SP100: variants seen among roughly 807,000 people sequenced by gnomAD.
SP100 encodes the protein nuclear autoantigen Sp-100.
In SP100, 84 loss-of-function variants were observed where a neutral mutation model predicts 130.0. The observed-to-expected ratio is 0.65, with a 90% confidence interval of 0.54 to 0.77. SP100 has a LOEUF of 0.77. Ranked by LOEUF, SP100 falls within the 30% of genes least tolerant of loss-of-function variation. The pLI is 0.00. For synonymous variants in SP100, 331 were observed against 351.7 expected, an observed-to-expected ratio of 0.94 and a Z score of 0.66; for missense variants, 978 against 1,052.2, an observed-to-expected ratio of 0.93 and a Z score of 0.97.
In SP100 at chr2:230,467,112, T is replaced by C; in HGVS notation, c.1196-8T>C. 1 of 1,603,196 alleles carries C rather than the reference T, an allele frequency of 6.2e-7. No homozygotes were observed. Among genetic ancestry groups the C allele is most frequent in the South Asian group, 1.1e-5 (1 of 90,868 alleles). On this transcript the variant is annotated splice_region_variant and splice_polypyrimidine_tract_variant and intron_variant, in intron 12 of 28. Transcript: ENST00000340126. Reference sequence around the variant, plus strand: ...AGAGCTCCAAAGGACATTTGCTCCTTTCTGCAGTGATAGGACAAGACCACG... The same window carrying C: ...AGAGCTCCAAAGGACATTTGCTCCTCTCTGCAGTGATAGGACAAGACCACG...
chr2:230,525,850 A>G (rs549445225), intron 24 of SP100, among the ~76,000 whole-genome samples: 33 of 152,112 alleles, frequency 2.2e-4, no homozygotes, highest in African/African-American at 7.5e-4. Context: ...GGGGAGGGGC[A>G]CCCACCATTG....
At chr2:230,524,512 C>T (rs12992343) in intron 24 of SP100, among the ~76,000 whole-genome samples, 27,479 of 152,050 alleles carry the variant, frequency 0.18, 2,996 homozygotes, top group African/African-American at 0.3. Context: ...AATACCCATG[C>T]AGTTAATTTA....
intron 25 of SP100, 150 bp from the exon 26 acceptor site, chr2:230,540,726 A>G: frequency 1.1e-6 from 1 of 919,018 alleles, no homozygotes. Context: ...ATTGAGTCCA[A>G]ATGGGGCTCT....
intron 17 of SP100, among the ~76,000 whole-genome samples, chr2:230,479,375 T>G (rs1385810017): frequency 2.6e-5 from 4 of 152,218 alleles, no homozygotes; most frequent in Admixed American, 2.0e-4. Flanking sequence ...TTAAAATACT[T>G]TCTGCATTTT....
chr2:230,463,858 A>T (rs1050980946), intron 10 of SP100: 2 of 378,368 alleles, frequency 5.3e-6, no homozygotes, highest in Non-Finnish European at 9.7e-6. Flanking sequence ...AGGCCAAGCA[A>T]GGCAAATATT....
chr2:230,500,834 T>C (rs942538609), intron 19 of SP100, among the ~76,000 whole-genome samples: 25 of 152,184 alleles, frequency 1.6e-4, no homozygotes, highest in African/African-American at 5.1e-4. Flanking sequence ...ATCATGGTCT[T>C]TGAAACTGAT....
chr2:230,511,264 A>C, intron 24 of SP100, 98 bp downstream of exon 24: 3 of 879,274 alleles, frequency 3.4e-6, no homozygotes, highest in Non-Finnish European at 5.9e-6. Context: ...GCTCAGTCTC[A>C]GTTGGAGTAT....
chr2:230,458,428 G>A (rs376302343), intron 8 of SP100, among the ~76,000 whole-genome samples: 2 of 152,200 alleles, frequency 1.3e-5, no homozygotes, highest in Admixed American at 6.5e-5. Flanking sequence ...TGCTGTCTGA[G>A]GGGTGGCAGA....
chr2:230,471,046 A>C lies in SP100; in HGVS notation c.1429+948A>C, dbSNP rs1305130222. ...AAAAATAAAAATCGCAAACAGACAG[A>C]GATAATAGGAATGGAACCAGCTATA... On this transcript the variant is annotated intron_variant, in intron 15 of 28. Transcript: ENST00000340126. Among the ~76,000 whole-genome samples the C allele has an allele frequency of 7.2e-5, 11 of 152,218 alleles. No homozygotes were observed. In the East Asian group the frequency reaches 2.1e-3, roughly 29 times the overall value.
chr2:230,447,754 G>C (rs565294048), intron 5 of SP100, among the ~76,000 whole-genome samples: 30 of 152,292 alleles, frequency 2.0e-4, no homozygotes, highest in Admixed American at 2.0e-3. Flanking sequence ...TCTGAACCCA[G>C]TCACTTAGGG....
At chr2:230,416,808 T>C in intron 1 of SP100, 4 of 985,818 alleles carry the variant, frequency 4.1e-6, no homozygotes, top group Non-Finnish European at 4.8e-6. Context: ...GCTGTTCCCA[T>C]GACTGGCTCA....
intron 2 of SP100, among the ~76,000 whole-genome samples, chr2:230,418,076 C>T (rs1427283): frequency 0.097 from 14,694 of 152,162 alleles, 746 homozygotes; most frequent in Admixed American, 0.11. Flanking sequence ...TACCGCTATT[C>T]CAGGAAGAGT....
At chr2:230,515,386 A>T (rs769003468) in intron 24 of SP100, 1 of 1,613,910 alleles carries the variant, frequency 6.2e-7, no homozygotes, top group South Asian at 1.1e-5. Flanking sequence ...TGGCCTGTCC[A>T]TTGATGATGT....
chr2:230,477,580 A>T (rs1353295856), intron 17 of SP100, among the ~76,000 whole-genome samples: 5 of 152,142 alleles, frequency 3.3e-5, no homozygotes, highest in African/African-American at 9.7e-5. Context: ...TGGTGATTTG[A>T]ATCACCACTT....
At chr2:230,515,367 A>C in intron 24 of SP100, 1 of 1,613,916 alleles carries the variant, frequency 6.2e-7, no homozygotes, top group Non-Finnish European at 8.5e-7. Context: ...AAATCAAAGG[A>C]GAACATCCTG....
intron 2 of SP100, among the ~76,000 whole-genome samples, chr2:230,431,152 G>A (rs1368085117): frequency 6.6e-6 from 1 of 152,248 alleles, no homozygotes; most frequent in Non-Finnish European, 1.5e-5. Context: ...CAGGAGCACA[G>A]TACCAGCATG....
At chr2:230,510,065 T>G (rs936964253) in intron 23 of SP100, 2 of 152,654 alleles carry the variant, frequency 1.3e-5, no homozygotes, top group Admixed American at 6.5e-5. Context: ...TACTTTATCT[T>G]AGCCAAAAGG....
intron 5 of SP100, among the ~76,000 whole-genome samples, chr2:230,447,484 G>A (rs2063760500): frequency 6.6e-6 from 1 of 152,210 alleles, no homozygotes; most frequent in East Asian, 1.9e-4. Context: ...GATGCCAGTT[G>A]CAAGTCTCAG....
chr2:230,418,807 C>T (rs1261274823), intron 2 of SP100, among the ~76,000 whole-genome samples: 1 of 152,082 alleles, frequency 6.6e-6, no homozygotes, highest in African/African-American at 2.4e-5. Context: ...TCCCCTTGGC[C>T]GGTGACAGCC....
Sources: allele counts gnomAD v4.1 joint callset (sites outside exome capture counted in the v4.1 genomes callset), GRCh38; gene constraint gnomAD v4.1.1; transcripts MANE v1.5; gene names NCBI Gene and HGNC (gene_info 2026-07-23, HGNC 2026-07-21).